POLD1: variants seen among roughly 807,000 people sequenced by gnomAD.
The protein encoded by POLD1 is DNA polymerase delta 1, catalytic subunit.
A neutral mutation model predicts 129.7 loss-of-function variants in POLD1; 79 were observed. That is an observed-to-expected ratio of 0.61 (90% CI 0.51 to 0.73). The LOEUF is 0.73. Among genes scored for constraint, POLD1 ranks in the 30% least tolerant of loss-of-function variants. The pLI is 0.00. For missense variants in POLD1, 1,338 were observed against 1,595.8 expected (o/e 0.84, Z 2.75); for synonymous variants, 714 against 683.3 (o/e 1.04, Z -0.70).
rs968051129 is a variant in POLD1 at position 50,399,479 on chromosome 19, A to T, written c.311A>T (p.Tyr104Phe). 10 of 1,607,552 alleles carry T rather than the reference A, an allele frequency of 6.2e-6. No individual in the cohort carries two copies. Among genetic ancestry groups the T allele is most frequent in the African/African-American group, 1.3e-5 (1 of 74,748 alleles). Residue 104 changes from tyrosine (Y) to phenylalanine (F), a missense_variant, in exon 3 of 27, where the codon TAT becomes TTT. Tyr to Phe is a conservative substitution (Grantham distance 22). Transcript: ENST00000440232. ...LIFQQLEIDH[Y>F]VGPAQPVPGG... ...TTCCAACAGTTGGAGATTGACCATT[A>T]TGTGGGTGAGTTTAGGGGTTATGGG... is the stretch of plus-strand genomic sequence containing the variant.
At chr19:50,401,377 ATATATATATATATATTTTTTT>A (rs1204187524) in intron 3 of POLD1, among the ~76,000 whole-genome samples, 1 of 54,146 alleles carries the variant, frequency 1.8e-5, no homozygotes, top group African/African-American at 8.2e-5. Flanking sequence ...GTATATATAT[ATATATATATATATATTTTTTT>A]TTTTTTTTTT....
At position 50,402,069 on chromosome 19, in the gene POLD1, G is replaced by C. The variant is rs376129517; in HGVS notation, c.534G>C (p.Gly178=). The C allele has an allele frequency of 1.4e-5, 22 of 1,613,972 alleles. No homozygotes were observed. The highest frequency in any genetic ancestry group is 1.3e-4 in the Admixed American group (8 of 60,004). The change falls in exon 5 of 27, where the codon GGG becomes GGC. Residue 178 remains glycine (G), a synonymous_variant. Transcript: ENST00000440232. The stretch of plus-strand genomic sequence containing the variant: ...TGGCCATCAGCCGGGACAGTCGCGG[G>C]GGGAGGGAGCTGACTGGGCCGGCCG... ...LNLAISRDSR[G]GRELTGPAVL...
At chr19:50,401,391 A>ATTTT (rs1203165864) in intron 3 of POLD1, among the ~76,000 whole-genome samples, 18 of 65,950 alleles carry the variant, frequency 2.7e-4, no homozygotes, top group East Asian at 4.8e-4. Flanking sequence ...ATATATATAT[A>ATTTT]TTTTTTTTTT....
In POLD1 at chr19:50,403,214, C is replaced by T. The variant is rs771705455; in HGVS notation, c.1132C>T (p.Leu378=). The T allele has an allele frequency of 1.3e-6, 2 of 1,551,982 alleles. No individual in the cohort carries two copies. Among genetic ancestry groups the T allele is most frequent in the Non-Finnish European group, 1.7e-6 (2 of 1,146,486 alleles). The stretch of plus-strand genomic sequence containing the variant: ...GAGCTACGAGAAGGAGGAGGACCTG[C>T]TGCAGGTAGCTCTCGCTCCACGCCC... ...VQSYEKEEDL[L]QAWSTFIRIM... is the part of the protein sequence containing the mutation. Residue 378 remains leucine (L), a synonymous_variant, in exon 9 of 27, where the codon CTG becomes TTG. Coordinates refer to ENST00000440232, the MANE Select transcript of POLD1 (RefSeq NM_002691.4).
At chr19:50,390,231 TTTTC>T (rs1253676151) in intron 1 of POLD1, among the ~76,000 whole-genome samples, 2 of 149,974 alleles carry the variant, frequency 1.3e-5, no homozygotes, top group African/African-American at 5.1e-5. Flanking sequence ...TTTTCTTTTC[TTTTC>T]TTTTTTTTTT....
At position 50,409,224 on chromosome 19, in the gene POLD1, T is replaced by C. The variant is rs778741809; in HGVS notation, c.1995T>C (p.Ser665=). ...LLPQILENLL[S]ARKRAKAELA... ...CCCAGATCCTGGAGAACCTGCTCAG[T>C]GCCCGGAAGAGGTGAGCCCTGGAGA... Residue 665 remains serine (S), a synonymous_variant, in exon 16 of 27, where the codon AGT becomes AGC. Coordinates refer to ENST00000440232, the MANE Select transcript of POLD1 (RefSeq NM_002691.4). This position sits in a 1 kb window ranked among gnomAD's most constrained non-coding sequence, Gnocchi z 5.8. 6 of 1,608,464 alleles carry C rather than the reference T, an allele frequency of 3.7e-6. No homozygotes were observed. The highest frequency in any genetic ancestry group is 3.3e-5 in the South Asian group (3 of 90,950).
In POLD1 at chr19:50,409,603, C is replaced by G; in HGVS notation, c.2091C>G (p.Ala697=). The change falls in exon 17 of 27, where the codon GCC becomes GCG. Residue 697 remains alanine (A), a synonymous_variant. Transcript: ENST00000440232. The surrounding 1 kb of genome is among the most constrained non-coding windows in gnomAD (Gnocchi z 5.8). The part of the protein sequence containing the change: ...DGRQLALKVS[A]NSVYGFTGAQ... Reference sequence around the variant, plus strand: ...GGCAGCTGGCGCTGAAGGTGAGCGCCAACTCCGTATACGGCTTCACTGGCG... The same window carrying G: ...GGCAGCTGGCGCTGAAGGTGAGCGCGAACTCCGTATACGGCTTCACTGGCG... 6.2e-7 allele frequency: 1 copy of G among 1,613,348 alleles called. No homozygotes were observed. The highest frequency in any genetic ancestry group is 1.1e-5 in the South Asian group (1 of 91,062).
chr19:50,412,748 T>C (rs910592270), intron 17 of POLD1, among the ~76,000 whole-genome samples: 2 of 150,400 alleles, frequency 1.3e-5, no homozygotes, highest in African/African-American at 5.0e-5. Context: ...TGTTGTTGTT[T>C]AAGTATTTTT....
At chr19:50,402,147 C>T (rs745950680) in intron 5 of POLD1, 23 bp downstream of exon 5, 12 of 1,599,728 alleles carry the variant, frequency 7.5e-6, no homozygotes, top group African/African-American at 1.3e-5. Context: ...CCAGGATCAG[C>T]GGGTTGGAGG....
chr19:50,416,163 C>T (rs534447128), intron 22 of POLD1: 135 of 592,248 alleles, frequency 2.3e-4, no homozygotes, highest in African/African-American at 1.5e-3. Flanking sequence ...CTGACCCCTT[C>T]CTCATCCTTG....
chr19:50,414,539 G>A (rs1274609), intron 19 of POLD1, among the ~76,000 whole-genome samples: 2 of 151,170 alleles, frequency 1.3e-5, no homozygotes, highest in African/African-American at 2.5e-5. Context: ...TCATCGACTC[G>A]CCTGTCTGGA....
rs530091118 is a variant in POLD1 at position 50,402,607 on chromosome 19, C to T, written c.841-5C>T. ...CTGCCACCGCTGACCCACCCATGCCCACAGGCTACGCAGTGCCAGCTGGAG... is the reference window on the plus strand; with the variant it reads ...CTGCCACCGCTGACCCACCCATGCCTACAGGCTACGCAGTGCCAGCTGGAG... On this transcript the variant is annotated splice_polypyrimidine_tract_variant and splice_region_variant and intron_variant, in intron 7 of 26. Transcript: ENST00000440232. 9.3e-5 allele frequency: 146 copies of T among 1,572,174 alleles called. 1 individual carries two copies. In the East Asian group the frequency reaches 3.4e-3, roughly 37 times the overall value.
intron 17 of POLD1, among the ~76,000 whole-genome samples, chr19:50,411,325 G>A (rs2039081268): frequency 1.3e-5 from 2 of 152,182 alleles, no homozygotes; most frequent in South Asian, 4.1e-4. Flanking sequence ...CCTCCTTGGT[G>A]GAAAGGGGTG....
rs768314552 is a variant in POLD1, at chr19:50,402,366, G to C, written c.751G>C (p.Glu251Gln). 2 of 1,611,348 alleles carry C rather than the reference G, an allele frequency of 1.2e-6. No homozygotes were observed. Among genetic ancestry groups the C allele is most frequent in the East Asian group, 4.5e-5 (2 of 44,794 alleles). Residue 251 changes from glutamate to glutamine, a missense_variant, in exon 6 of 27, where the codon GAG becomes CAG. Physicochemically the swap from Glu to Gln is conservative, Grantham distance 29. Around this residue, in one of 3 missense-constraint regions of POLD1, gnomAD observed 720 missense variants for 1,002.6 expected, o/e 0.72. Transcript: ENST00000440232. ...GCCCTACGAGGCCAACGTCGACTTT[G>C]AGATCCGGTACGGCCTCTGCCTCAC... Reference protein sequence around the residue: ...FAPYEANVDFEIRFMVDTDIV... With the variant: ...FAPYEANVDFQIRFMVDTDIV...
chr19:50,403,101 T>C lies in POLD1; in HGVS notation c.1019T>C (p.Leu340Pro). 6.4e-7 allele frequency: 1 copy of C among 1,565,404 alleles called. No homozygotes were observed. Among genetic ancestry groups the C allele is most frequent in the Non-Finnish European group, 8.7e-7 (1 of 1,154,522 alleles). ...ERDPVIQICSLGLRWGEPEPF... is the reference protein window; with the variant it reads ...ERDPVIQICSPGLRWGEPEPF... ...GACCCTGTCATCCAGATCTGCTCGC[T>C]GGGCCTGCGCTGGGGGGAGCCGGAG... is the stretch of plus-strand genomic sequence containing the variant. Residue 340 changes from leucine to proline, a missense_variant, in exon 9 of 27, where the codon CTG (leucine) becomes CCG (proline). This residue lies in a region of POLD1 where 720 missense variants were observed against 1,002.6 expected (regional missense o/e 0.72). Coordinates refer to ENST00000440232, the MANE Select transcript of POLD1 (RefSeq NM_002691.4).
At chr19:50,417,138 CG>C (rs1203841822) in intron 25 of POLD1, 33 bp from the exon 26 acceptor site, 2 of 1,569,378 alleles carry the variant, frequency 1.3e-6, no homozygotes, top group Admixed American at 1.9e-5. Flanking sequence ...GGTGGGGAGG[CG>C]GGGGCGCCCT....
intron 1 of POLD1, among the ~76,000 whole-genome samples, chr19:50,395,562 A>G (rs909136614): frequency 2.0e-5 from 3 of 151,086 alleles, no homozygotes; most frequent in South Asian, 4.2e-4. Context: ...CCAGCCTGGG[A>G]GACAGAGCGA....
intron 1 of POLD1, among the ~76,000 whole-genome samples, chr19:50,397,090 CAAAAA>C (rs781378096): frequency 5.2e-5 from 4 of 77,608 alleles, no homozygotes; most frequent in Admixed American, 3.1e-4. Context: ...GACTCCATCT[CAAAAA>C]AAAAAAAAAA....
chr19:50,417,157 C>G lies in POLD1; in HGVS notation c.3121-15C>G. ...GGGAGGCGGGGGCGCCCTGCTCAGC[C>G]GCTGCCGTCCCCAGGTATCCCATCT... On this transcript the variant is annotated splice_polypyrimidine_tract_variant and intron_variant, in intron 25 of 26. Transcript: ENST00000440232. 1.3e-6 allele frequency: 2 copies of G among 1,585,334 alleles called. No homozygotes were observed. Among genetic ancestry groups the G allele is most frequent in the Non-Finnish European group, 1.7e-6 (2 of 1,165,994 alleles).
Sources: allele counts gnomAD v4.1 joint callset (sites outside exome capture counted in the v4.1 genomes callset), GRCh38; gene constraint gnomAD v4.1.1; regional missense constraint gnomAD v4.1.1; non-coding constraint Gnocchi (gnomAD v3.1); transcripts MANE v1.5; gene names NCBI Gene and HGNC (gene_info 2026-07-23, HGNC 2026-07-21).